DYNC2H1: variants seen among roughly 807,000 people sequenced by gnomAD.
The protein encoded by DYNC2H1 is dynein cytoplasmic 2 heavy chain 1.
DYNC2H1 carries 410 observed loss-of-function variants against 570.0 expected under a neutral mutation model. The ratio of observed to expected loss-of-function variants is 0.72; its 90% CI spans 0.66 to 0.78. The LOEUF is 0.78. Ranked by LOEUF, DYNC2H1 falls within the 30% of genes least tolerant of loss-of-function variation. The pLI, the probability that DYNC2H1 is intolerant of heterozygous loss-of-function variation, is 0.00. For synonymous variants in DYNC2H1, 1,688 were observed against 1,677.6 expected, an observed-to-expected ratio of 1.01 and a Z score of -0.15; for missense variants, 4,865 against 5,046.4, an observed-to-expected ratio of 0.96 and a Z score of 1.09.
chr11:103,472,955 G>A lies in DYNC2H1; in HGVS notation c.12765+4250G>A, dbSNP rs1278631444. Among the ~76,000 whole-genome samples the A allele has an allele frequency of 2.0e-5, 3 of 152,074 alleles. No individual in the cohort carries two copies. The highest frequency in any genetic ancestry group is 4.8e-5 in the African/African-American group (2 of 41,412). ...AGTCATTTGCACAACATTGCTTTGAGTTAGGCTGCAGCTCCATTTTTCAGA... is the reference window on the plus strand; with the variant it reads ...AGTCATTTGCACAACATTGCTTTGAATTAGGCTGCAGCTCCATTTTTCAGA... On this transcript the variant is annotated intron_variant, in intron 88 of 88. Transcript: ENST00000375735. The surrounding 1 kb of genome is among the most constrained non-coding windows in gnomAD (Gnocchi z 4.1).
In DYNC2H1 at chr11:103,241,657, G is replaced by C; in HGVS notation, c.9820-2036G>C. 2 of 881,308 alleles carry C rather than the reference G, an allele frequency of 2.3e-6. No individual in the cohort carries two copies. The highest frequency in any genetic ancestry group is 3.1e-5 in the South Asian group (2 of 65,014). The allele number at this position is 881,308 out of a possible 1,614,324, so 54.6% of individuals were successfully genotyped here. Reference sequence around the variant, plus strand: ...GCATAAAATTAGATCAAAAACCTAGGTGCAGCACCATGGTAACACTTCACA... The same window carrying C: ...GCATAAAATTAGATCAAAAACCTAGCTGCAGCACCATGGTAACACTTCACA... On this transcript the variant is annotated intron_variant, in intron 63 of 88. Transcript: ENST00000375735. The surrounding 1 kb of genome is among the most constrained non-coding windows in gnomAD (Gnocchi z 5.1).
chr11:103,337,147 C>A (rs1939180646), intron 82 of DYNC2H1, among the ~76,000 whole-genome samples: 1 of 152,200 alleles, frequency 6.6e-6, no homozygotes, highest in Non-Finnish European at 1.5e-5. Flanking sequence ...GTTTCTGCTG[C>A]AGATAACTAG....
At chr11:103,310,998 A>G (rs982522528) in intron 78 of DYNC2H1, among the ~76,000 whole-genome samples, 7 of 151,912 alleles carry the variant, frequency 4.6e-5, no homozygotes, top group Non-Finnish European at 1.0e-4. Flanking sequence ...CACCATACCC[A>G]GCCACTTTTT....
chr11:103,115,345 T>C (rs1591259421), intron 4 of DYNC2H1, 50 bp downstream of exon 4: 1 of 1,258,400 alleles, frequency 7.9e-7, no homozygotes, highest in Non-Finnish European at 1.1e-6. Flanking sequence ...AAAAGTACTT[T>C]GGGATTCAAT....
intron 87 of DYNC2H1, among the ~76,000 whole-genome samples, chr11:103,463,292 AT>A (rs1221641908): frequency 6.6e-6 from 1 of 152,210 alleles, no homozygotes; most frequent in Non-Finnish European, 1.5e-5. Flanking sequence ...ATACAGATAG[AT>A]TGAGCTATAA....
At chr11:103,393,424 T>A (rs946940910) in intron 83 of DYNC2H1, among the ~76,000 whole-genome samples, 4 of 152,196 alleles carry the variant, frequency 2.6e-5, no homozygotes, top group African/African-American at 9.7e-5. Flanking sequence ...AAAGATACTT[T>A]CCTAGAAATA....
intron 84 of DYNC2H1, among the ~76,000 whole-genome samples, chr11:103,427,569 T>C (rs1489860611): frequency 6.6e-6 from 1 of 152,110 alleles, no homozygotes; most frequent in Non-Finnish European, 1.5e-5. Flanking sequence ...TTTCTCACAG[T>C]TCTGAAAGCT....
intron 83 of DYNC2H1, among the ~76,000 whole-genome samples, chr11:103,385,898 T>A (rs1755010281): frequency 1.3e-5 from 2 of 152,138 alleles, no homozygotes; most frequent in Non-Finnish European, 2.9e-5. Context: ...TTGAATAGGA[T>A]AATTGATCTG....
chr11:103,174,921 C>G (rs1861735168), intron 36 of DYNC2H1, among the ~76,000 whole-genome samples: 1 of 105,808 alleles, frequency 9.5e-6, no homozygotes, highest in Non-Finnish European at 1.7e-5. Context: ...AAGCTCCACT[C>G]CTTGCGGGGT....
intron 85 of DYNC2H1, among the ~76,000 whole-genome samples, chr11:103,436,491 T>C (rs917388886): frequency 2.0e-5 from 3 of 152,064 alleles, no homozygotes; most frequent in Admixed American, 6.6e-5. Flanking sequence ...ATAGTAAACA[T>C]GATACAGGTT....
At chr11:103,187,839 C>T (rs535935892) in intron 43 of DYNC2H1, among the ~76,000 whole-genome samples, 11 of 152,112 alleles carry the variant, frequency 7.2e-5, no homozygotes, top group African/African-American at 2.4e-4. Context: ...TATTACTTGT[C>T]CTTTATTCGT....
Position 103,308,941 on chromosome 11 carries a change from A to G in DYNC2H1, c.11493+1110A>G, listed in dbSNP as rs570914936. ...GTTTGCAAATATTCTCTCCCATTCT[A>G]TAGATTGCTTTTCACTCTGTTGATT... On this transcript the variant is annotated intron_variant, in intron 78 of 88. Coordinates refer to ENST00000375735, the MANE Select transcript of DYNC2H1 (RefSeq NM_001377.3). 5.3e-5 allele frequency among the ~76,000 whole-genome samples: 8 copies of G among 151,952 alleles called. No individual in the cohort carries two copies. The South Asian group carries it at 1.2e-3, about 24-fold the overall frequency.
In DYNC2H1 at chr11:103,289,973, G is replaced by A. The variant is rs1466156849; in HGVS notation, c.11095+2368G>A. On this transcript the variant is annotated intron_variant, in intron 75 of 88. Transcript: ENST00000375735. This position sits in a 1 kb window ranked among gnomAD's most constrained non-coding sequence, Gnocchi z 4.2. ...AGGCACAGATTCAAGTTGTGCAACT[G>A]CAAGCCAAGGAACACTGAAGATTTT... 6.6e-6 allele frequency among the ~76,000 whole-genome samples: 1 copy of A among 151,978 alleles called. No individual in the cohort carries two copies. Among genetic ancestry groups the A allele is most frequent in the African/African-American group, 2.4e-5 (1 of 41,406 alleles).
At chr11:103,291,689 ATCTC>A (rs1565468882) in intron 75 of DYNC2H1, among the ~76,000 whole-genome samples, 4 of 152,096 alleles carry the variant, frequency 2.6e-5, no homozygotes, top group African/African-American at 9.7e-5. Context: ...ATTAGAGTCT[ATCTC>A]TCTCTTTAGC....
At chr11:103,352,191 T>C (rs2566923) in intron 82 of DYNC2H1, among the ~76,000 whole-genome samples, 50,190 of 151,884 alleles carry the variant, frequency 0.33, 9,984 homozygotes, top group Non-Finnish European at 0.44. Context: ...ATTAGTCTTT[T>C]CAGTGAACCA....
At chr11:103,146,028 T>G (rs1174544110) in intron 18 of DYNC2H1, among the ~76,000 whole-genome samples, 2 of 152,218 alleles carry the variant, frequency 1.3e-5, no homozygotes, top group Non-Finnish European at 2.9e-5. Context: ...GTATCATAAA[T>G]CATGAGTCTT....
At position 103,323,902 on chromosome 11, in the gene DYNC2H1, T is replaced by C. The variant is rs1330832893; in HGVS notation, c.11951T>C (p.Ile3984Thr). The change falls in exon 82 of 89, where the codon ATT becomes ACT. Residue 3984 changes from isoleucine (I) to threonine (T), a missense_variant. Ile to Thr is a moderately conservative substitution (Grantham distance 89). Transcript: ENST00000375735. ...TATATTTAGGACTATCGTGCTGTCA[T>C]TGAGAAAATTCCAGAGGACGACAAA... ...SCSILDYRAV[I>T]EKIPEDDKPS... The C allele has an allele frequency of 1.2e-6, 2 of 1,612,502 alleles. No homozygotes were observed. Among genetic ancestry groups the C allele is most frequent in the East Asian group, 2.2e-5 (1 of 44,822 alleles).
rs12574017 is a variant in DYNC2H1 at position 103,219,789 on chromosome 11, G to A, written c.8833-126G>A. 60,927 of 566,540 alleles carry A rather than the reference G, an allele frequency of 0.11. 3,754 individuals carry two copies. The highest frequency in any genetic ancestry group is 0.13 in the East Asian group (3,378 of 26,948). 35.1% of individuals were successfully genotyped at this position (566,540 alleles called of 1,614,324 possible). ...GCATTTTGGAAACTCTCTTGTCATA[G>A]ATTCAAAACTAGTATTAGGAAACAT... is the stretch of plus-strand genomic sequence containing the variant. On this transcript the variant is annotated intron_variant, in intron 55 of 88. Transcript: ENST00000375735.
chr11:103,146,366 G>A (rs950716301), intron 18 of DYNC2H1, among the ~76,000 whole-genome samples: 1 of 152,162 alleles, frequency 6.6e-6, no homozygotes, highest in African/African-American at 2.4e-5. Flanking sequence ...TCAGATGACT[G>A]AGTCTGGATC....
Sources: gnomAD v4.1 joint callset for allele counts (sites outside exome capture counted in the v4.1 genomes callset) on GRCh38, gnomAD v4.1.1 for gene constraint, Gnocchi (gnomAD v3.1) non-coding constraint, MANE v1.5 for transcripts, NCBI Gene and HGNC (gene_info 2026-07-23, HGNC 2026-07-21) for gene names.